TAFA1: variants seen among roughly 807,000 people sequenced by gnomAD.
The protein encoded by TAFA1 is TAFA chemokine like family member 1, also known as chemokine-like protein TAFA-1.
TAFA1 carries 4 observed loss-of-function variants against 18.5 expected under a neutral mutation model. The ratio of observed to expected loss-of-function variants is 0.22; its 90% confidence interval spans 0.11 to 0.49. The LOEUF (loss-of-function observed/expected upper bound fraction) is 0.49, where lower values mean the gene tolerates loss of function less well. Among genes scored for constraint, TAFA1 ranks in the 20% least tolerant of loss-of-function variants. TAFA1 has a pLI of 0.98. For synonymous variants in TAFA1, 56 were observed against 55.2 expected, an observed-to-expected ratio of 1.01 and a Z score of -0.06; for missense variants, 147 against 169.0, an observed-to-expected ratio of 0.87 and a Z score of 0.72.
intron 2 of TAFA1, among the ~76,000 whole-genome samples, chr3:68,137,745 G>C (rs2065624573): frequency 6.6e-6 from 1 of 152,118 alleles, no homozygotes; most frequent in Non-Finnish European, 1.5e-5. Flanking sequence ...AATCACAAGA[G>C]GCCTGTAAGG....
chr3:68,526,392 T>G (rs6774423), intron 3 of TAFA1, among the ~76,000 whole-genome samples: 120,372 of 152,024 alleles, frequency 0.79, 47,756 homozygotes, highest in East Asian at 0.89. Flanking sequence ...TAAAATGAAA[T>G]ACCTTACAAT....
chr3:68,314,163 A>G (rs1410783937), intron 2 of TAFA1, among the ~76,000 whole-genome samples: 1 of 152,146 alleles, frequency 6.6e-6, no homozygotes, highest in Admixed American at 6.5e-5. Flanking sequence ...TAGTCTATGA[A>G]AAATCTTTAG....
chr3:68,437,803 CT>C (rs1442673099), intron 3 of TAFA1, among the ~76,000 whole-genome samples: 2 of 152,112 alleles, frequency 1.3e-5, no homozygotes, highest in African/African-American at 4.8e-5. Context: ...CATTCTACCC[CT>C]GGCCTCCCGA....
chr3:68,475,238 C>A (rs1164712210), intron 3 of TAFA1, among the ~76,000 whole-genome samples: 3 of 151,726 alleles, frequency 2.0e-5, no homozygotes, highest in Non-Finnish European at 4.4e-5. Flanking sequence ...ATACATGTGT[C>A]ATGTTGGTGT....
chr3:68,374,894 C>A (rs575002057), intron 2 of TAFA1, among the ~76,000 whole-genome samples: 1 of 152,186 alleles, frequency 6.6e-6, no homozygotes, highest in South Asian at 2.1e-4. Context: ...TTACTTTCAA[C>A]ACCTCTTATC....
chr3:68,027,489 ACATGACTGG>A (rs1241785858), intron 2 of TAFA1, among the ~76,000 whole-genome samples: 1 of 152,166 alleles, frequency 6.6e-6, no homozygotes, highest in East Asian at 1.9e-4. Context: ...GTGGCCTAAG[ACATGACTGG>A]CATTTGTGGA....
At chr3:68,134,410 C>A (rs956846083) in intron 2 of TAFA1, among the ~76,000 whole-genome samples, 3 of 151,968 alleles carry the variant, frequency 2.0e-5, no homozygotes, top group African/African-American at 7.3e-5. Context: ...ATGGTTGTTT[C>A]TTTGCCAACT....
intron 3 of TAFA1, among the ~76,000 whole-genome samples, chr3:68,492,753 A>C (rs939523037): frequency 6.6e-6 from 1 of 152,290 alleles, no homozygotes; most frequent in South Asian, 2.1e-4. Context: ...TGGAAGGAAA[A>C]GCTTTAAAAA....
intron 3 of TAFA1, among the ~76,000 whole-genome samples, chr3:68,507,348 C>A (rs2072775542): frequency 6.6e-6 from 1 of 151,536 alleles, no homozygotes; most frequent in African/African-American, 2.4e-5. Context: ...ACTACTGAGA[C>A]AAAAAATTTA....
At chr3:67,999,359 T>A (rs1451026775), upstream of TAFA1, among the ~76,000 whole-genome samples, 1 of 150,946 alleles carries the variant, frequency 6.6e-6, no homozygotes, top group East Asian at 2.0e-4. Context: ...AACATTAGAT[T>A]GGGAAAGTTG....
intron 2 of TAFA1, among the ~76,000 whole-genome samples, chr3:68,149,267 G>A (rs1325141472): frequency 6.6e-6 from 1 of 152,166 alleles, no homozygotes. Context: ...ATTAACTAAA[G>A]TAAATGTAGA....
intron 2 of TAFA1, among the ~76,000 whole-genome samples, chr3:68,199,168 C>A (rs2066445518): frequency 6.6e-6 from 1 of 151,492 alleles, no homozygotes; most frequent in African/African-American, 2.4e-5. Context: ...TGTTAAAGAT[C>A]AGTTGACTAT....
chr3:68,479,463 GTC>G (rs2072184920), intron 3 of TAFA1, among the ~76,000 whole-genome samples: 1 of 151,918 alleles, frequency 6.6e-6, no homozygotes, highest in African/African-American at 2.4e-5. Flanking sequence ...ATGTCAGCAT[GTC>G]TCTCTTATTT....
At chr3:68,304,699 T>C (rs565480639) in intron 2 of TAFA1, among the ~76,000 whole-genome samples, 14 of 152,326 alleles carry the variant, frequency 9.2e-5, no homozygotes, top group African/African-American at 3.4e-4. Flanking sequence ...AAAGAGTGAT[T>C]TGGCAAGGTC....
chr3:68,399,814 C>G lies in TAFA1; in HGVS notation c.119-17466C>G, dbSNP rs1185835532. 2.0e-5 allele frequency among the ~76,000 whole-genome samples: 3 copies of G among 152,020 alleles called. No homozygotes were observed. In the East Asian group the frequency reaches 5.8e-4, roughly 29 times the overall value. On this transcript the variant is annotated intron_variant, in intron 2 of 4. Transcript: ENST00000478136. Reference sequence around the variant, plus strand: ...CTAAATGAAGCAAATAAAAGGAGGACCATCTATTGACATGCAGAAACAAAA... The same window carrying G: ...CTAAATGAAGCAAATAAAAGGAGGAGCATCTATTGACATGCAGAAACAAAA...
At chr3:68,521,711 A>C (rs898640807) in intron 3 of TAFA1, among the ~76,000 whole-genome samples, 2 of 152,144 alleles carry the variant, frequency 1.3e-5, no homozygotes, top group African/African-American at 4.8e-5. Flanking sequence ...AGTCAGTGGT[A>C]AACTAAATCA....
At chr3:68,420,210 C>G (rs2106806073) in intron 3 of TAFA1, among the ~76,000 whole-genome samples, 1 of 152,230 alleles carries the variant, frequency 6.6e-6, no homozygotes, top group South Asian at 2.1e-4. Flanking sequence ...GAGGAGCAAG[C>G]TTATGTGGCA....
chr3:68,152,186 C>A (rs2065813743), intron 2 of TAFA1, among the ~76,000 whole-genome samples: 1 of 152,256 alleles, frequency 6.6e-6, no homozygotes, highest in Non-Finnish European at 1.5e-5. Flanking sequence ...CTTTTTGCCA[C>A]AGCACTGTTT....
At chr3:68,008,197 C>T (rs1704402179) in intron 2 of TAFA1, among the ~76,000 whole-genome samples, 1 of 152,262 alleles carries the variant, frequency 6.6e-6, no homozygotes, top group East Asian at 1.9e-4. Flanking sequence ...TTTCTGCATC[C>T]TGTGTCCTGA....
Sources: allele counts gnomAD v4.1 joint callset (sites outside exome capture counted in the v4.1 genomes callset), GRCh38; gene constraint gnomAD v4.1.1; transcripts MANE v1.5; gene names NCBI Gene and HGNC (gene_info 2026-07-23, HGNC 2026-07-21).